NEK10: variants seen among roughly 807,000 people sequenced by gnomAD.
The protein encoded by NEK10 is serine/threonine-protein kinase Nek10.
NEK10 carries 122 observed loss-of-function variants against 159.8 expected under a neutral mutation model. The ratio of observed to expected loss-of-function variants is 0.76; its 90% CI spans 0.66 to 0.89. NEK10 has a LOEUF of 0.89. Ranked by LOEUF, NEK10 falls within the 40% of genes least tolerant of loss-of-function variation. NEK10 has a pLI of 0.00. For synonymous variants in NEK10, 466 were observed against 457.1 expected, an observed-to-expected ratio of 1.02 and a Z score of -0.25; for missense variants, 1,342 against 1,323.1, an observed-to-expected ratio of 1.01 and a Z score of -0.22.
At chr3:27,322,593 G>A (rs776352656) in intron 5 of NEK10, among the ~76,000 whole-genome samples, 3 of 152,030 alleles carry the variant, frequency 2.0e-5, no homozygotes, top group African/African-American at 4.8e-5. Context: ...AAGAATTTAC[G>A]CCATAACCAA....
At chr3:27,303,947 A>C (rs2044034547) in intron 12 of NEK10, among the ~76,000 whole-genome samples, 1 of 152,224 alleles carries the variant, frequency 6.6e-6, no homozygotes, top group Non-Finnish European at 1.5e-5. Context: ...CATAGAACTG[A>C]ATTATACTTT....
chr3:27,301,868 A>G, intron 12 of NEK10, 33 bp from the exon 13 acceptor site: 1 of 1,524,876 alleles, frequency 6.6e-7, no homozygotes, highest in African/African-American at 1.4e-5. Flanking sequence ...TAGACCATTT[A>G]TCAATTTCCC....
intron 19 of NEK10, among the ~76,000 whole-genome samples, chr3:27,289,391 G>A (rs1048638908): frequency 2.0e-5 from 3 of 152,160 alleles, no homozygotes; most frequent in African/African-American, 4.8e-5. Flanking sequence ...AGGACTCAAT[G>A]TTATCATCCT....
intron 30 of NEK10, among the ~76,000 whole-genome samples, chr3:27,148,819 A>G (rs1319435220): frequency 6.6e-6 from 1 of 152,138 alleles, no homozygotes; most frequent in Non-Finnish European, 1.5e-5. Flanking sequence ...CCCAAATGGC[A>G]TGAGTGTGAG....
chr3:27,175,854 C>T lies in NEK10; in HGVS notation c.2506-1021G>A, dbSNP rs190950762. On this transcript the variant is annotated intron_variant, in intron 26 of 35. Coordinates refer to ENST00000691995, the MANE Select transcript of NEK10 (RefSeq NM_001394966.1). Reference sequence around the variant, plus strand: ...TTTATTGAAGGGGAAAGAATTCCCTCTATGAATTGTGTCCAAGATGATTTA... The same window carrying T: ...TTTATTGAAGGGGAAAGAATTCCCTTTATGAATTGTGTCCAAGATGATTTA... Among the ~76,000 whole-genome samples, 59 of 152,314 alleles carry T rather than the reference C, an allele frequency of 3.9e-4. 1 individual carries two copies. Among genetic ancestry groups the T allele is most frequent in the Admixed American group, 1.1e-3 (17 of 15,290 alleles).
rs1351908807 is a variant in NEK10 at position 27,346,180 on chromosome 3, T to C, written c.169A>G (p.Met57Val). ...AINFDSAQNS[M>V]TKSEPAIRAG... Reference sequence around the variant, plus strand: ...CTGATGGCGGGCTCAGACTTCGTCATGCTATTTTGGGCACTATCGAAGTTA... The same window carrying C: ...CTGATGGCGGGCTCAGACTTCGTCACGCTATTTTGGGCACTATCGAAGTTA... The change falls in exon 4 of 36, where the codon ATG becomes GTG. Residue 57 changes from methionine to valine, a missense_variant. By Grantham distance (21) the Met-to-Val change is conservative. Transcript: ENST00000691995. 1.2e-6 allele frequency: 2 copies of C among 1,613,708 alleles called. No individual in the cohort carries two copies. Among genetic ancestry groups the C allele is most frequent in the South Asian group, 2.2e-5 (2 of 91,088 alleles).
At chr3:27,355,286 C>T (rs1171676094) in intron 1 of NEK10, among the ~76,000 whole-genome samples, 1 of 152,074 alleles carries the variant, frequency 6.6e-6, no homozygotes. Flanking sequence ...CTCTTGCAGT[C>T]CCATGGTTTT....
rs2044462049 is a variant in NEK10 at position 27,308,977 on chromosome 3, T to C, written c.665A>G (p.Asp222Gly). The change falls in exon 10 of 36, where the codon GAT becomes GGT. Residue 222 changes from aspartate (D) to glycine (G), a missense_variant. Asp to Gly is a moderately conservative substitution (Grantham distance 94). Coordinates refer to ENST00000691995, the MANE Select transcript of NEK10 (RefSeq NM_001394966.1). ...AAGGGAACCCAATAGAACATTAGTA[T>C]CTCGGGCACCAAGTAAATTTACTAA... is the stretch of plus-strand genomic sequence containing the variant. The part of the protein sequence containing the change: ...KTLVNLLGAR[D>G]TNVLLGSLLA... 9 of 1,598,042 alleles carry C rather than the reference T, an allele frequency of 5.6e-6. No individual in the cohort carries two copies. The highest frequency in any genetic ancestry group is 7.7e-6 in the Non-Finnish European group (9 of 1,167,170).
chr3:27,173,796 T>C (rs1947239959), intron 28 of NEK10, among the ~76,000 whole-genome samples: 1 of 152,112 alleles, frequency 6.6e-6, no homozygotes, highest in Admixed American at 6.6e-5. Context: ...TATTTTAACT[T>C]CTCTTTAAGT....
intron 23 of NEK10, chr3:27,215,165 T>C (rs890765524): frequency 9.3e-6 from 3 of 321,998 alleles, no homozygotes; most frequent in African/African-American, 6.3e-5. Context: ...TTAGTCTTAA[T>C]CTCTGAACAC....
intron 16 of NEK10, 122 bp downstream of exon 16, chr3:27,293,466 C>CTT (rs1331244337): frequency 2.3e-5 from 12 of 515,368 alleles, no homozygotes; most frequent in Non-Finnish European, 4.1e-5. Context: ...AATCTGAAGA[C>CTT]ACATGGTTTG....
At chr3:27,258,852 C>T (rs936316207) in intron 22 of NEK10, among the ~76,000 whole-genome samples, 2 of 152,138 alleles carry the variant, frequency 1.3e-5, no homozygotes, top group African/African-American at 4.8e-5. Flanking sequence ...AAAAGTGTTC[C>T]TATTTCTCCA....
chr3:27,174,323 C>T, intron 28 of NEK10, 116 bp downstream of exon 28: 1 of 1,543,718 alleles, frequency 6.5e-7, no homozygotes, highest in Non-Finnish European at 8.7e-7. Flanking sequence ...AGCACTGCAC[C>T]TGAAAAACAA....
At position 27,171,857 on chromosome 3, in the gene NEK10, A is replaced by T. The variant is rs747115842; in HGVS notation, c.2793T>A (p.Ser931Arg). The change falls in exon 29 of 36, where the codon AGT (serine) becomes AGA (arginine). Residue 931 changes from serine to arginine, a missense_variant. By Grantham distance (110) the Ser-to-Arg change is moderately radical. Coordinates refer to ENST00000691995, the MANE Select transcript of NEK10 (RefSeq NM_001394966.1). ...KESTFNILKR[S>R]FSASGGERQS... ...GTCTTTCTCCTCCTGAAGCACTAAA[A>T]CTTCTCTTTAAAATGTCTGAGACGA... The T allele has an allele frequency of 1.2e-6, 2 of 1,613,334 alleles. No individual in the cohort carries two copies. The highest frequency in any genetic ancestry group is 2.7e-5 in the African/African-American group (2 of 74,860).
rs574430331 is a variant in NEK10 at position 27,220,563 on chromosome 3, A to T, written c.2091-18006T>A. 1.7e-4 allele frequency among the ~76,000 whole-genome samples: 26 copies of T among 152,236 alleles called. No individual in the cohort carries two copies. In the East Asian group the frequency reaches 3.9e-3, roughly 23 times the overall value. On this transcript the variant is annotated intron_variant, in intron 23 of 35. Transcript: ENST00000691995. Reference sequence around the variant, plus strand: ...GGGTCTAGGGATTATACTAGAATGTAGACATCTTGCGGGGGTGGGGGGATC... The same window carrying T: ...GGGTCTAGGGATTATACTAGAATGTTGACATCTTGCGGGGGTGGGGGGATC...
At chr3:27,238,746 C>CGTGTGTGTGT (rs59740177) in intron 23 of NEK10, among the ~76,000 whole-genome samples, 56 of 138,136 alleles carry the variant, frequency 4.1e-4, no homozygotes, top group South Asian at 2.7e-3. Context: ...CCTCCCCTTT[C>CGTGTGTGTGT]GTGTGTGTGT....
intron 23 of NEK10, among the ~76,000 whole-genome samples, chr3:27,227,853 A>G (rs1952798936): frequency 6.6e-6 from 1 of 152,250 alleles, no homozygotes; most frequent in South Asian, 2.1e-4. Flanking sequence ...CTTTGCCTAT[A>G]GCCCTTGGCC....
At chr3:27,313,620 C>T (rs1001333530) in intron 7 of NEK10, among the ~76,000 whole-genome samples, 1 of 152,246 alleles carries the variant, frequency 6.6e-6, no homozygotes, top group East Asian at 1.9e-4. Flanking sequence ...TAGTAAGACA[C>T]CGTTTCAAAT....
At chr3:27,198,904 A>T (rs1949791006) in intron 25 of NEK10, among the ~76,000 whole-genome samples, 2 of 151,922 alleles carry the variant, frequency 1.3e-5, no homozygotes, top group African/African-American at 2.4e-5. Flanking sequence ...ACCCGTCTCT[A>T]CTAAAAATAC....
Sources: allele counts gnomAD v4.1 joint callset (sites outside exome capture counted in the v4.1 genomes callset), GRCh38; gene constraint gnomAD v4.1.1; transcripts MANE v1.5; gene names NCBI Gene and HGNC (gene_info 2026-07-23, HGNC 2026-07-21).